Variants in NSUN2 observed in about 807,000 individuals in gnomAD.
NSUN2 encodes the protein NOP2/Sun RNA methyltransferase 2, also known as RNA cytosine C(5)-methyltransferase NSUN2.
In NSUN2, 63 loss-of-function variants were observed where a neutral mutation model predicts 92.7. The ratio of observed to expected loss-of-function variants is 0.68; its 90% CI spans 0.56 to 0.84. The LOEUF (loss-of-function observed/expected upper bound fraction) is 0.84, where lower values mean the gene tolerates loss of function less well. NSUN2 is among the 40% of genes least tolerant of loss of function. The probability of loss-of-function intolerance (pLI) is 0.00; values close to 1 mark genes in which losing one functional copy is unlikely to be tolerated. For synonymous variants in NSUN2, 356 were observed against 348.3 expected, an observed-to-expected ratio of 1.02 and a Z score of -0.25; for missense variants, 989 against 964.9, an observed-to-expected ratio of 1.02 and a Z score of -0.33.
chr5:6,610,923 C>T, intron 11 of NSUN2, 32 bp downstream of exon 11: 1 of 1,612,694 alleles, frequency 6.2e-7, no homozygotes. Context: ...AACCTTCCCC[C>T]CTCCCCACAC....
intron 9 of NSUN2, among the ~76,000 whole-genome samples, chr5:6,615,461 C>T (rs1560978537): frequency 1.3e-5 from 2 of 152,198 alleles, no homozygotes; most frequent in African/African-American, 4.8e-5. Flanking sequence ...CCCCATACTC[C>T]CCCTCACACA....
At chr5:6,618,120 G>T (rs776216757) in intron 7 of NSUN2, 96 bp from the exon 8 acceptor site, 3 of 762,030 alleles carry the variant, frequency 3.9e-6, no homozygotes, top group Non-Finnish European at 6.6e-6. Flanking sequence ...CAAAACAAGT[G>T]TTACAAATAT....
At chr5:6,604,072 C>T in intron 17 of NSUN2, 66 bp downstream of exon 17, 1 of 1,437,142 alleles carries the variant, frequency 7.0e-7, no homozygotes, top group Non-Finnish European at 9.6e-7. Context: ...ACGCACACCA[C>T]CTGCATTTTT....
Position 6,605,307 on chromosome 5 carries a change from C to T in NSUN2, c.1703G>A (p.Arg568Gln), listed in dbSNP as rs907364994. Residue 568 changes from arginine (R) to glutamine (Q), a missense_variant, in exon 15 of 19, where the codon CGG (arginine) becomes CAG (glutamine). By Grantham distance (43) the Arg-to-Gln change is conservative. Coordinates refer to ENST00000264670, the MANE Select transcript of NSUN2 (RefSeq NM_017755.6). ...CTCACTGTTATTCAGCAGCACATTC[C>T]GCAACTCCTTAGAAACCATGTAGAG... Reference protein sequence around the residue: ...RQLYMVSKELRNVLLNNSEKM... With the variant: ...RQLYMVSKELQNVLLNNSEKM... 6 of 1,614,086 alleles carry T rather than the reference C, an allele frequency of 3.7e-6. No individual in the cohort carries two copies. Among genetic ancestry groups the T allele is most frequent in the East Asian group, 2.2e-5 (1 of 44,896 alleles).
rs546226838 is a variant in NSUN2, at chr5:6,599,820, T to C, written c.*106A>G. ...CCAGTCTGCAGTCATTAGAAATATA[T>C]GCTTTACAGGCCACAGGCTGCTCTG... On this transcript the variant is annotated 3_prime_UTR_variant, in exon 19 of 19. Coordinates refer to ENST00000264670, the MANE Select transcript of NSUN2 (RefSeq NM_017755.6). 1.2e-4 allele frequency: 113 copies of C among 954,288 alleles called. No homozygotes were observed. In the African/African-American group the frequency reaches 1.3e-3, roughly 11 times the overall value. 59.1% of individuals were successfully genotyped at this position (954,288 alleles called of 1,614,324 possible). A position where few individuals can be genotyped will look rare whatever the true frequency, so the allele number is the denominator to read the frequency against.
chr5:6,611,797 A>G lies in NSUN2; in HGVS notation c.1023T>C (p.Gly341=), dbSNP rs963886760. 1 of 1,614,170 alleles carries G rather than the reference A, an allele frequency of 6.2e-7. No individual in the cohort carries two copies. The change falls in exon 10 of 19, where the codon GGT becomes GGC. Residue 341 remains glycine, a splice_region_variant and synonymous_variant. Transcript: ENST00000264670. ...TAGACACATCAGCAAGCTCCAAAGC[A>G]CCTGTGCAGCAAAAGCATGGACGTC... is the stretch of plus-strand genomic sequence containing the variant. ...VIASLLEKSE[G]ALELADVSNE... is the part of the protein sequence containing the mutation.
intron 14 of NSUN2, 33 bp downstream of exon 14, chr5:6,606,787 T>A (rs529136396): frequency 1.3e-5 from 16 of 1,243,242 alleles, no homozygotes; most frequent in Non-Finnish European, 1.6e-5. Context: ...GTAAATTTCT[T>A]TAAATGAATA....
chr5:6,609,839 T>C lies in NSUN2; in HGVS notation c.1310A>G (p.Lys437Arg), dbSNP rs375923267. 3.7e-6 allele frequency: 6 copies of C among 1,612,724 alleles called. No individual in the cohort carries two copies. The highest frequency in any genetic ancestry group is 5.1e-6 in the Non-Finnish European group (6 of 1,179,604). The change falls in exon 12 of 19, where the codon AAA (lysine) becomes AGA (arginine). Residue 437 changes from lysine to arginine, a missense_variant. By Grantham distance (26) the Lys-to-Arg change is conservative. Around this residue, in one of 3 missense-constraint regions of NSUN2, gnomAD observed 626 missense variants for 602.3 expected, o/e 1.04. Transcript: ENST00000264670. ...LVKKSSMPWN[K>R]RQPKLQGKSA... is the part of the protein sequence containing the mutation. ...AGAAAAACTCACCTTTGGCTGACGT[T>C]TATTCCACGGCATTGAAGATTTTTT...
chr5:6,609,269 C>T (rs1183158217), intron 12 of NSUN2, among the ~76,000 whole-genome samples: 1 of 152,166 alleles, frequency 6.6e-6, no homozygotes, highest in Non-Finnish European at 1.5e-5. Flanking sequence ...TTACAAAGGA[C>T]TGCGTGTTAG....
intron 2 of NSUN2, among the ~76,000 whole-genome samples, chr5:6,632,187 C>G (rs1737939369): frequency 6.8e-6 from 1 of 146,152 alleles, no homozygotes; most frequent in Admixed American, 6.8e-5. Flanking sequence ...TGCATTCCTT[C>G]TCTCCTAAGC....
chr5:6,612,930 C>A (rs1579364512), intron 9 of NSUN2, among the ~76,000 whole-genome samples: 1 of 152,190 alleles, frequency 6.6e-6, no homozygotes. Flanking sequence ...GGAACGCACA[C>A]CCCCTCCAGT....
chr5:6,612,834 C>T (rs1454608164), intron 9 of NSUN2, among the ~76,000 whole-genome samples: 4 of 152,196 alleles, frequency 2.6e-5, no homozygotes, highest in African/African-American at 9.6e-5. Context: ...GGTGTTATCT[C>T]CACACCCCAG....
At chr5:6,619,477 CG>C (rs1737347715) in intron 7 of NSUN2, among the ~76,000 whole-genome samples, 1 of 152,152 alleles carries the variant, frequency 6.6e-6, no homozygotes, top group Admixed American at 6.5e-5. Context: ...CCTATGGGAA[CG>C]GAACAGATGA....
intron 9 of NSUN2, among the ~76,000 whole-genome samples, chr5:6,616,318 G>C (rs1259784696): frequency 6.6e-6 from 1 of 152,210 alleles, no homozygotes; most frequent in Non-Finnish European, 1.5e-5. Flanking sequence ...ATAGTGTTCA[G>C]CCTTAATAAG....
Position 6,606,926 on chromosome 5 carries a change from C to A in NSUN2, c.1509-14G>T, listed in dbSNP as rs762287991. On this transcript the variant is annotated splice_polypyrimidine_tract_variant and intron_variant, in intron 13 of 18. Coordinates refer to ENST00000264670, the MANE Select transcript of NSUN2 (RefSeq NM_017755.6). ...GATGGAGGAGGACTAAAAAGGGAATCAGGATGAGACAAATCAATCTGTAAT... is the reference window on the plus strand; with the variant it reads ...GATGGAGGAGGACTAAAAAGGGAATAAGGATGAGACAAATCAATCTGTAAT... The A allele has an allele frequency of 3.5e-6, 5 of 1,423,786 alleles. No homozygotes were observed. Among genetic ancestry groups the A allele is most frequent in the Non-Finnish European group, 4.9e-6 (5 of 1,012,792 alleles). 88.2% of individuals were successfully genotyped at this position (1,423,786 alleles called of 1,614,324 possible).
chr5:6,623,152 CA>C, intron 5 of NSUN2, 61 bp downstream of exon 5: 1 of 1,438,442 alleles, frequency 7.0e-7, no homozygotes. Context: ...TTCATCAAAA[CA>C]AACAGGCATG....
At chr5:6,601,181 A>G (rs1736540170) in intron 18 of NSUN2, among the ~76,000 whole-genome samples, 2 of 151,700 alleles carry the variant, frequency 1.3e-5, no homozygotes, top group Non-Finnish European at 2.9e-5. Context: ...AAAAACCATT[A>G]TTCCTGAAGT....
intron 5 of NSUN2, 84 bp downstream of exon 5, chr5:6,623,130 A>C (rs1737521944): frequency 8.6e-7 from 1 of 1,162,246 alleles, no homozygotes; most frequent in Non-Finnish European, 1.2e-6. Context: ...AATTATATTA[A>C]GAAAAAATGG....
chr5:6,599,608 C>T lies in NSUN2; in HGVS notation c.*318G>A, dbSNP rs1736457879. 3.6e-6 allele frequency: 1 copy of T among 275,962 alleles called. No homozygotes were observed. Among genetic ancestry groups the T allele is most frequent in the Admixed American group, 4.8e-5 (1 of 20,966 alleles). The allele number at this position is 275,962 out of a possible 1,614,324, so 17.1% of individuals were successfully genotyped here. ...CTTAACAAAAGACCTGAAATTTCTG[C>T]AAGGGCAGTTTTGTTTCTTGATAGA... On this transcript the variant is annotated 3_prime_UTR_variant, in exon 19 of 19. Transcript: ENST00000264670.
Sources: allele counts gnomAD v4.1 joint callset (sites outside exome capture counted in the v4.1 genomes callset), GRCh38; gene constraint gnomAD v4.1.1; regional missense constraint gnomAD v4.1.1; transcripts MANE v1.5; gene names NCBI Gene and HGNC (gene_info 2026-07-23, HGNC 2026-07-21).